Variants in MACROD2 observed in about 807,000 individuals in gnomAD.
The protein encoded by MACROD2 is ADP-ribose glycohydrolase MACROD2.
In MACROD2, 36 loss-of-function variants were observed where a neutral mutation model predicts 70.4. The observed-to-expected ratio is 0.51, with a 90% CI of 0.39 to 0.68. MACROD2 has a LOEUF of 0.68. Ranked by LOEUF, MACROD2 falls within the 30% of genes least tolerant of loss-of-function variation. The pLI is 0.00. For synonymous variants in MACROD2, 172 were observed against 178.8 expected (o/e 0.96, Z 0.30); for missense variants, 496 against 538.4 (o/e 0.92, Z 0.78).
At chr20:15,968,001 A>G (rs1257426937) in intron 13 of MACROD2, among the ~76,000 whole-genome samples, 1 of 152,234 alleles carries the variant, frequency 6.6e-6, no homozygotes, top group Admixed American at 6.5e-5. Context: ...TAGTCTTGGG[A>G]TATCAAGAAG....
chr20:14,130,930 GTTT>G (rs11087075), intron 3 of MACROD2, among the ~76,000 whole-genome samples: 1 of 109,654 alleles, frequency 9.1e-6, no homozygotes, highest in African/African-American at 4.0e-5. Flanking sequence ...TGTTTTTTTT[GTTT>G]TTTTTTTTTT....
intron 8 of MACROD2, among the ~76,000 whole-genome samples, chr20:15,717,196 C>A (rs2050719523): frequency 6.6e-6 from 1 of 152,168 alleles, no homozygotes; most frequent in Non-Finnish European, 1.5e-5. Context: ...AGTTGTATTT[C>A]TTTTTCATTG....
At chr20:14,354,924 A>G (rs151319594) in intron 3 of MACROD2, among the ~76,000 whole-genome samples, 1 of 152,190 alleles carries the variant, frequency 6.6e-6, no homozygotes, top group Non-Finnish European at 1.5e-5. Context: ...ACTTAGGATA[A>G]TGACCTCTGG....
At chr20:15,791,446 A>T (rs544267091) in intron 8 of MACROD2, among the ~76,000 whole-genome samples, 42 of 147,598 alleles carry the variant, frequency 2.8e-4, no homozygotes, top group East Asian at 8.0e-4. Flanking sequence ...GGGCAATTTT[A>T]AAAAAAAAAG....
chr20:14,550,350 A>G (rs1216073664), intron 4 of MACROD2, among the ~76,000 whole-genome samples: 1 of 151,920 alleles, frequency 6.6e-6, no homozygotes. Context: ...TCTTTCTGCT[A>G]TAGACTGAAT....
intron 3 of MACROD2, among the ~76,000 whole-genome samples, chr20:14,256,019 A>G (rs2082053622): frequency 6.6e-6 from 1 of 151,372 alleles, no homozygotes; most frequent in African/African-American, 2.4e-5. Context: ...GTTTTTTCCC[A>G]TTTTGTCTGT....
intron 6 of MACROD2, among the ~76,000 whole-genome samples, chr20:15,401,426 A>G (rs1455508862): frequency 6.6e-6 from 1 of 152,196 alleles, no homozygotes; most frequent in African/African-American, 2.4e-5. Context: ...TCATCGGTAC[A>G]GTTTGGCAAC....
At chr20:14,867,433 G>C (rs980330777) in intron 5 of MACROD2, among the ~76,000 whole-genome samples, 43 of 152,076 alleles carry the variant, frequency 2.8e-4, no homozygotes, top group African/African-American at 9.9e-4. Flanking sequence ...TTTTTTTCTA[G>C]TACACTTGGA....
At chr20:15,144,854 C>T (rs1388895404) in intron 5 of MACROD2, among the ~76,000 whole-genome samples, 1 of 152,128 alleles carries the variant, frequency 6.6e-6, no homozygotes, top group Non-Finnish European at 1.5e-5. Flanking sequence ...TTCTATAGTA[C>T]TTACTATGCT....
intron 8 of MACROD2, among the ~76,000 whole-genome samples, chr20:15,576,753 A>C (rs1022918974): frequency 7.2e-5 from 11 of 152,302 alleles, no homozygotes; most frequent in South Asian, 6.2e-4. Context: ...TGAGTTTCTC[A>C]AAATTCTAGT....
chr20:14,238,468 C>A (rs182056350), intron 3 of MACROD2, among the ~76,000 whole-genome samples: 9 of 152,118 alleles, frequency 5.9e-5, no homozygotes, highest in Non-Finnish European at 8.8e-5. Flanking sequence ...TGAGCAAAAG[C>A]TGCAAGCATC....
At chr20:14,884,886 A>C (rs969484167) in intron 5 of MACROD2, among the ~76,000 whole-genome samples, 1 of 152,162 alleles carries the variant, frequency 6.6e-6, no homozygotes, top group African/African-American at 2.4e-5. Flanking sequence ...ACTCCCTTCT[A>C]TTCATTCCAG....
intron 5 of MACROD2, among the ~76,000 whole-genome samples, chr20:15,153,806 C>A (rs2076288152): frequency 6.6e-6 from 1 of 152,120 alleles, no homozygotes; most frequent in Non-Finnish European, 1.5e-5. Context: ...TTGGTCACAT[C>A]TTGTTTCTTT....
intron 5 of MACROD2, among the ~76,000 whole-genome samples, chr20:15,198,307 T>G (rs2076624676): frequency 6.6e-6 from 1 of 152,174 alleles, no homozygotes; most frequent in African/African-American, 2.4e-5. Flanking sequence ...CCACTGTGCC[T>G]GGCCAGAAGT....
At chr20:14,742,588 TA>T (rs1176339383) in intron 5 of MACROD2, among the ~76,000 whole-genome samples, 1 of 151,718 alleles carries the variant, frequency 6.6e-6, no homozygotes, top group African/African-American at 2.4e-5. Context: ...TTTTTTTTTT[TA>T]ATAAGGGTTA....
intron 4 of MACROD2, among the ~76,000 whole-genome samples, chr20:14,598,043 C>A (rs1434759647): frequency 6.6e-6 from 1 of 152,078 alleles, no homozygotes; most frequent in Non-Finnish European, 1.5e-5. Context: ...TTACAGCCTC[C>A]AGAAAGGACT....
At chr20:14,880,767 C>G (rs1223655396) in intron 5 of MACROD2, among the ~76,000 whole-genome samples, 1 of 152,170 alleles carries the variant, frequency 6.6e-6, no homozygotes, top group African/African-American at 2.4e-5. Flanking sequence ...CTGGTGGAAC[C>G]GTCTAACTTA....
At chr20:14,722,708 C>A (rs2071483785) in intron 5 of MACROD2, among the ~76,000 whole-genome samples, 1 of 152,002 alleles carries the variant, frequency 6.6e-6, no homozygotes, top group Non-Finnish European at 1.5e-5. Flanking sequence ...AATTTAGTTG[C>A]CAATTTAGAC....
At chr20:14,282,661 G>C (rs1315163610) in intron 3 of MACROD2, among the ~76,000 whole-genome samples, 1 of 152,142 alleles carries the variant, frequency 6.6e-6, no homozygotes, top group Admixed American at 6.6e-5. Context: ...TGTGGGAAGC[G>C]TGGTGCTGGC....
Sources: allele counts gnomAD v4.1 joint callset (sites outside exome capture counted in the v4.1 genomes callset), GRCh38; gene constraint gnomAD v4.1.1; transcripts MANE v1.5; gene names NCBI Gene and HGNC (gene_info 2026-07-23, HGNC 2026-07-21).